The following TENM2 variants were observed in gnomAD, a reference collection of about 807,000 sequenced individuals.
TENM2 encodes the protein teneurin-2.
Under a neutral mutation model 245.2 loss-of-function variants are expected in TENM2, and 52 were observed. The observed-to-expected ratio is 0.21, with a 90% CI of 0.17 to 0.27. The LOEUF is 0.27. TENM2 is among the 10% of genes least tolerant of loss of function. TENM2 has a pLI of 1.00. For missense variants in TENM2, 3,046 were observed against 3,666.8 expected, an observed-to-expected ratio of 0.83 and a Z score of 4.37; for synonymous variants, 1,363 against 1,438.9, an observed-to-expected ratio of 0.95 and a Z score of 1.19.
At chr5:167,620,196 T>C (rs567949470) in intron 2 of TENM2, among the ~76,000 whole-genome samples, 1 of 152,198 alleles carries the variant, frequency 6.6e-6, no homozygotes, top group Non-Finnish European at 1.5e-5. Context: ...CAATGGTACA[T>C]GCAATTAGGA....
At chr5:167,167,465 G>T in the TENM2 span, among the ~76,000 whole-genome samples, 13 of 152,026 alleles carry the variant, frequency 8.6e-5, no homozygotes, top group Admixed American at 2.6e-4. Context: ...ACTCTTTCTG[G>T]CAGTTCCCCA....
the TENM2 span, among the ~76,000 whole-genome samples, chr5:167,013,497 A>C: frequency 2.6e-5 from 4 of 152,146 alleles, no homozygotes; most frequent in African/African-American, 9.6e-5. Context: ...GACCACATTA[A>C]TAAATTCAAG....
At chr5:167,869,294 G>T (rs1772606252) in intron 2 of TENM2, among the ~76,000 whole-genome samples, 2 of 152,322 alleles carry the variant, frequency 1.3e-5, no homozygotes, top group African/African-American at 4.8e-5. Flanking sequence ...AATGAGAATG[G>T]GTTGGGTTTC....
chr5:168,073,865 G>A (rs572561269), intron 7 of TENM2, among the ~76,000 whole-genome samples: 8 of 152,324 alleles, frequency 5.3e-5, no homozygotes, highest in Admixed American at 2.6e-4. Context: ...AGGCCATCAC[G>A]TTGTATTCAG....
intron 2 of TENM2, among the ~76,000 whole-genome samples, chr5:167,799,261 A>G (rs910658697): frequency 3.3e-5 from 5 of 152,148 alleles, no homozygotes; most frequent in South Asian, 2.1e-4. Context: ...TTTTAAATGA[A>G]CAATAATGTG....
intron 2 of TENM2, among the ~76,000 whole-genome samples, chr5:167,853,715 T>C (rs1276644209): frequency 6.6e-6 from 1 of 152,212 alleles, no homozygotes; most frequent in African/African-American, 2.4e-5. Context: ...AACAATTTCA[T>C]TCCATAGACT....
At chr5:168,184,718 T>C (rs1562256817) in intron 13 of TENM2, among the ~76,000 whole-genome samples, 1 of 152,218 alleles carries the variant, frequency 6.6e-6, no homozygotes, top group East Asian at 1.9e-4. Context: ...CAGATGCTTA[T>C]TGTGGCTGCT....
chr5:167,751,729 G>GT (rs1397711584), intron 2 of TENM2, among the ~76,000 whole-genome samples: 3 of 151,286 alleles, frequency 2.0e-5, no homozygotes, highest in Non-Finnish European at 4.4e-5. Flanking sequence ...CACTGTTTTG[G>GT]TTTTTTTTAA....
the TENM2 span, among the ~76,000 whole-genome samples, chr5:166,992,122 G>T: frequency 1.3e-5 from 2 of 151,530 alleles, no homozygotes; most frequent in African/African-American, 4.8e-5. Context: ...AAATGTAAAA[G>T]GGGATTTCAT....
At chr5:167,398,384 TTCTTTC>T (rs1233670627) in intron 2 of TENM2, among the ~76,000 whole-genome samples, 1 of 27,088 alleles carries the variant, frequency 3.7e-5, no homozygotes, top group Non-Finnish European at 6.1e-5. Context: ...CTTCCTTTCT[TTCTTTC>T]TTTCTTTCTT....
intron 23 of TENM2, among the ~76,000 whole-genome samples, chr5:168,221,815 G>A (rs1017955318): frequency 6.6e-6 from 1 of 152,152 alleles, no homozygotes; most frequent in East Asian, 1.9e-4. Context: ...ATACCAGAAA[G>A]CTCCTAGGTC....
intron 2 of TENM2, among the ~76,000 whole-genome samples, chr5:167,854,223 C>T (rs1770864545): frequency 6.6e-6 from 1 of 152,128 alleles, no homozygotes; most frequent in African/African-American, 2.4e-5. Flanking sequence ...TACACTTACC[C>T]CTCCCTAAAT....
chr5:167,056,629 A>C, the TENM2 span, among the ~76,000 whole-genome samples: 1 of 147,166 alleles, frequency 6.8e-6, no homozygotes, highest in South Asian at 2.1e-4. Context: ...CTATATAAAT[A>C]TATATCTATA....
At chr5:167,505,372 CAA>C (rs1344767016) in intron 2 of TENM2, among the ~76,000 whole-genome samples, 1 of 152,088 alleles carries the variant, frequency 6.6e-6, no homozygotes. Context: ...AGGCTTCACA[CAA>C]GAGCAGAAGA....
chr5:167,508,256 A>G (rs1388400872), intron 2 of TENM2, among the ~76,000 whole-genome samples: 1 of 152,160 alleles, frequency 6.6e-6, no homozygotes, highest in South Asian at 2.1e-4. Flanking sequence ...CCCCCTTTTT[A>G]TCCTCCATCT....
intron 2 of TENM2, among the ~76,000 whole-genome samples, chr5:167,458,057 T>A (rs986920417): frequency 6.6e-5 from 10 of 152,190 alleles, no homozygotes; most frequent in Non-Finnish European, 1.2e-4. Context: ...GTTTTTCAGG[T>A]CAGAGAAGTC....
At chr5:167,912,293 C>T (rs539827264) in intron 3 of TENM2, among the ~76,000 whole-genome samples, 14 of 152,272 alleles carry the variant, frequency 9.2e-5, no homozygotes, top group Admixed American at 5.2e-4. Context: ...TAATGTCCTC[C>T]AGGTTCAGGC....
chr5:168,038,553 T>C (rs1023339150), intron 5 of TENM2, among the ~76,000 whole-genome samples: 1 of 152,178 alleles, frequency 6.6e-6, no homozygotes, highest in African/African-American at 2.4e-5. Context: ...GAGGTGAGCA[T>C]ATAGAGGGCT....
At chr5:167,919,325 G>T (rs1392610051) in intron 3 of TENM2, among the ~76,000 whole-genome samples, 3 of 152,148 alleles carry the variant, frequency 2.0e-5, no homozygotes, top group Admixed American at 2.0e-4. Flanking sequence ...ACTGTCTAAA[G>T]TGCTGGCGAA....
Sources: gnomAD v4.1 joint callset for allele counts (sites outside exome capture counted in the v4.1 genomes callset) on GRCh38, gnomAD v4.1.1 for gene constraint, MANE v1.5 for transcripts, NCBI Gene and HGNC (gene_info 2026-07-23, HGNC 2026-07-21) for gene names.